Variants in CEP164 observed in about 807,000 individuals in gnomAD.
CEP164 encodes centrosomal protein 164, also known as centrosomal protein of 164 kDa.
In CEP164, 162 loss-of-function variants were observed where a neutral mutation model predicts 182.7. That is an observed-to-expected ratio of 0.89 (90% CI 0.78 to 1.01). The LOEUF is 1.01. Ranked by LOEUF, CEP164 falls within the 50% of genes least tolerant of loss-of-function variation. The pLI, the probability that CEP164 is intolerant of heterozygous loss-of-function variation, is 0.00. For missense variants in CEP164, 1,735 were observed against 1,790.4 expected, an observed-to-expected ratio of 0.97 and a Z score of 0.56; for synonymous variants, 661 against 690.0, an observed-to-expected ratio of 0.96 and a Z score of 0.66.
chr11:117,340,030 AGTTT>A (rs1445098876), intron 3 of CEP164, among the ~76,000 whole-genome samples: 2 of 149,108 alleles, frequency 1.3e-5, no homozygotes, highest in Non-Finnish European at 3.0e-5. Flanking sequence ...TTTTTTTGTT[AGTTT>A]GTTTTTTTTG....
chr11:117,380,937 T>TG (rs1300034925), intron 12 of CEP164, among the ~76,000 whole-genome samples: 3 of 152,208 alleles, frequency 2.0e-5, no homozygotes, highest in Non-Finnish European at 2.9e-5. Flanking sequence ...AGCAGACCCT[T>TG]TGTTTCTTCA....
At chr11:117,378,214 G>C (rs916267965) in intron 11 of CEP164, among the ~76,000 whole-genome samples, 1 of 152,156 alleles carries the variant, frequency 6.6e-6, no homozygotes, top group African/African-American at 2.4e-5. Flanking sequence ...TTATAAAATT[G>C]TTTCAAGTAA....
Position 117,338,879 on chromosome 11 carries a change from G to A in CEP164, c.82+211G>A, listed in dbSNP as rs139373104. Among the ~76,000 whole-genome samples, 1,222 of 151,958 alleles carry A rather than the reference G, an allele frequency of 8.0e-3. 28 individuals are homozygous for A. The highest frequency in any genetic ancestry group is 0.026 in the African/African-American group (1,096 of 41,410). ...GTTGCCCAGGCTGGAGTGCAGTGGC[G>A]TGATCTCAGCTCACTGCAACCTCTG... On this transcript the variant is annotated intron_variant, in intron 3 of 32. Coordinates refer to ENST00000278935, the MANE Select transcript of CEP164 (RefSeq NM_014956.5).
At chr11:117,387,948 A>C (rs1310961536) in intron 15 of CEP164, among the ~76,000 whole-genome samples, 1 of 152,256 alleles carries the variant, frequency 6.6e-6, no homozygotes, top group Non-Finnish European at 1.5e-5. Flanking sequence ...TCATGAGTCC[A>C]GCGCAGGAAG....
chr11:117,373,778 G>A lies in CEP164; in HGVS notation c.1180G>A (p.Glu394Lys), dbSNP rs575051020. 1.2e-6 allele frequency: 2 copies of A among 1,614,116 alleles called. No individual in the cohort carries two copies. The highest frequency in any genetic ancestry group is 1.3e-5 in the African/African-American group (1 of 75,030). ...QELEISEHMK[E>K]PQLSDSIASD... Reference sequence around the variant, plus strand: ...ACTGGAAATTAGTGAACACATGAAGGAACCACAGCTCTCAGACTCCATAGC... The same window carrying A: ...ACTGGAAATTAGTGAACACATGAAGAAACCACAGCTCTCAGACTCCATAGC... Residue 394 changes from glutamate (E) to lysine (K), a missense_variant, in exon 10 of 33, where the codon GAA (glutamate) becomes AAA (lysine). Physicochemically the swap from Glu to Lys is moderately conservative, Grantham distance 56. Transcript: ENST00000278935.
chr11:117,347,960 T>A (rs2039134110), intron 4 of CEP164, among the ~76,000 whole-genome samples: 1 of 151,924 alleles, frequency 6.6e-6, no homozygotes, highest in Admixed American at 6.6e-5. Context: ...GTTGGTTTGT[T>A]GTTGTTGTTG....
intron 13 of CEP164, among the ~76,000 whole-genome samples, chr11:117,382,441 C>T (rs926843016): frequency 3.9e-5 from 6 of 152,082 alleles, no homozygotes; most frequent in Admixed American, 6.5e-5. Flanking sequence ...TTGTCTGTCC[C>T]CCTAGCAAGA....
chr11:117,337,510 T>TTAAAAAAAAAA (rs2037361627), intron 2 of CEP164, among the ~76,000 whole-genome samples: 9 of 128,892 alleles, frequency 7.0e-5, no homozygotes, highest in African/African-American at 2.3e-4. Flanking sequence ...ACCATCTCTG[T>TTAAAAAAAAAA]AAAAAAAAAA....
chr11:117,391,978 G>C (rs574227211), intron 17 of CEP164, among the ~76,000 whole-genome samples: 2 of 152,312 alleles, frequency 1.3e-5, no homozygotes, highest in Admixed American at 6.5e-5. Context: ...CTAAAGGCAG[G>C]GGGTGGGAGC....
At chr11:117,331,829 C>A (rs2036257373) in intron 1 of CEP164, among the ~76,000 whole-genome samples, 1 of 151,526 alleles carries the variant, frequency 6.6e-6, no homozygotes, top group Non-Finnish European at 1.5e-5. Context: ...TCACTGCAGC[C>A]TCGAACTCCT....
chr11:117,380,593 T>C, intron 11 of CEP164, 21 bp from the exon 12 acceptor site: 1 of 1,573,932 alleles, frequency 6.4e-7, no homozygotes, highest in South Asian at 1.2e-5. Context: ...ACACAAACTT[T>C]TTATTGCTTC....
At chr11:117,396,287 G>A in intron 25 of CEP164, 107 bp downstream of exon 25, 1 of 1,303,530 alleles carries the variant, frequency 7.7e-7, no homozygotes, top group Non-Finnish European at 1.1e-6. Context: ...CTCATCAGGA[G>A]GGGTGGAGCC....
chr11:117,336,286 G>T, intron 2 of CEP164: 1 of 1,545,562 alleles, frequency 6.5e-7, no homozygotes, highest in Non-Finnish European at 8.9e-7. Flanking sequence ...CTTTTTATGA[G>T]CTTTCTTCAT....
intron 5 of CEP164, among the ~76,000 whole-genome samples, chr11:117,360,959 G>C (rs2040876052): frequency 1.5e-5 from 2 of 136,210 alleles, no homozygotes; most frequent in Admixed American, 7.9e-5. Flanking sequence ...TTTTGAGACA[G>C]AGTCTCGCTC....
At chr11:117,337,064 C>T (rs1282191386) in intron 2 of CEP164, among the ~76,000 whole-genome samples, 1 of 152,080 alleles carries the variant, frequency 6.6e-6, no homozygotes, top group Non-Finnish European at 1.5e-5. Flanking sequence ...AGCTAGAAAC[C>T]TTGGATTCAA....
rs763943556 is a variant in CEP164 at position 117,338,559 on chromosome 11, G to T, written c.-21-7G>T. 1.6e-5 allele frequency: 26 copies of T among 1,599,852 alleles called. No individual in the cohort carries two copies. In the South Asian group the frequency reaches 2.9e-4, roughly 18 times the overall value. Reference sequence around the variant, plus strand: ...TTTCTCTTTTGGTGGGGGCCTCTGGGATCTAGGTGTTTGAGCCCAGATGAG... The same window carrying T: ...TTTCTCTTTTGGTGGGGGCCTCTGGTATCTAGGTGTTTGAGCCCAGATGAG... On this transcript the variant is annotated splice_region_variant and splice_polypyrimidine_tract_variant and intron_variant, in intron 2 of 32. Transcript: ENST00000278935.
intron 8 of CEP164, among the ~76,000 whole-genome samples, chr11:117,365,062 C>A (rs1473464533): frequency 6.6e-6 from 1 of 152,204 alleles, no homozygotes. Context: ...ATTTTCTTCT[C>A]CACCACCAGT....
At position 117,338,657 on chromosome 11, in the gene CEP164, C is replaced by T. The variant is rs1384405619; in HGVS notation, c.71C>T (p.Pro24Leu). 1 of 1,613,142 alleles carries T rather than the reference C, an allele frequency of 6.2e-7. No individual in the cohort carries two copies. The highest frequency in any genetic ancestry group is 8.5e-7 in the Non-Finnish European group (1 of 1,179,116). Residue 24 changes from proline to leucine, a missense_variant, in exon 3 of 33, where the codon CCT becomes CTT. Pro to Leu is a moderately conservative substitution (Grantham distance 98, BLOSUM62 -3). Transcript: ENST00000278935. ...LEEDYDETYIPSEQEILEFAR... is the reference protein window; with the variant it reads ...LEEDYDETYILSEQEILEFAR... The stretch of plus-strand genomic sequence containing the variant: ...GAAGATTATGATGAGACCTACATTC[C>T]TAGTGAGCAAGGTAACAAGTCTGTG...
At chr11:117,335,147 G>C (rs2134879385) in intron 1 of CEP164, among the ~76,000 whole-genome samples, 1 of 152,290 alleles carries the variant, frequency 6.6e-6, no homozygotes, top group South Asian at 2.1e-4. Context: ...GTCCTTTTCT[G>C]CTCAGCTTTT....
Sources: gnomAD v4.1 joint callset for allele counts (sites outside exome capture counted in the v4.1 genomes callset) on GRCh38, gnomAD v4.1.1 for gene constraint, MANE v1.5 for transcripts, NCBI Gene and HGNC (gene_info 2026-07-23, HGNC 2026-07-21) for gene names.